MAP3K10: variants seen among roughly 807,000 people sequenced by gnomAD.
The protein encoded by MAP3K10 is mitogen-activated protein kinase kinase kinase 10.
In MAP3K10, 22 loss-of-function variants were observed where a neutral mutation model predicts 75.0. The observed-to-expected ratio is 0.29, with a 90% CI of 0.21 to 0.42. The LOEUF is 0.42. Ranked by LOEUF, MAP3K10 falls within the 10% of genes least tolerant of loss-of-function variation. The pLI is 1.00. For synonymous variants in MAP3K10, 599 were observed against 612.9 expected, an observed-to-expected ratio of 0.98 and a Z score of 0.34; for missense variants, 1,165 against 1,379.8, an observed-to-expected ratio of 0.84 and a Z score of 2.47.
intron 6 of MAP3K10, among the ~76,000 whole-genome samples, chr19:40,210,266 C>CA (rs946252783): frequency 6.0e-5 from 9 of 150,968 alleles, no homozygotes; most frequent in East Asian, 3.9e-4. Flanking sequence ...GACTCCGTCT[C>CA]AAAAAAAACA....
chr19:40,192,308 A>G lies in MAP3K10; in HGVS notation c.277A>G (p.Ile93Val). The G allele has an allele frequency of 6.2e-7, 1 of 1,603,862 alleles. No individual in the cohort carries two copies. Among genetic ancestry groups the G allele is most frequent in the Non-Finnish European group, 8.5e-7 (1 of 1,176,760 alleles). The change falls in exon 1 of 10, where the codon ATC (isoleucine) becomes GTC (valine). Residue 93 changes from isoleucine to valine, a missense_variant. Around this residue, in one of 2 missense-constraint regions of MAP3K10, gnomAD observed 575 missense variants for 793.2 expected, o/e 0.72. Coordinates refer to ENST00000253055, the MANE Select transcript of MAP3K10 (RefSeq NM_002446.4). The surrounding 1 kb of genome is among the most constrained non-coding windows in gnomAD (Gnocchi z 7.1). ...APAGLQLPQE[I>V]PFHELQLEEI... ...CGCGGGCCTCCAGCTGCCCCAGGAG[A>G]TCCCCTTCCACGAGCTGCAGCTAGA...
At position 40,206,130 on chromosome 19, in the gene MAP3K10, G is replaced by A; in HGVS notation, c.1408G>A (p.Gly470Ser). The change falls in exon 5 of 10, where the codon GGC becomes AGC. Residue 470 changes from glycine (G) to serine (S), a missense_variant. Physicochemically the swap from Gly to Ser is moderately conservative, Grantham distance 56. Around this residue, in one of 2 missense-constraint regions of MAP3K10, gnomAD observed 575 missense variants for 793.2 expected, o/e 0.72. Coordinates refer to ENST00000253055, the MANE Select transcript of MAP3K10 (RefSeq NM_002446.4). ...KRSRLLKLRE[G>S]GSHISLPSGF... Reference sequence around the variant, plus strand: ...CAGCCGCCTGCTCAAGCTGCGGGAAGGCGGCAGCCACATCAGCCTGCCCTC... The same window carrying A: ...CAGCCGCCTGCTCAAGCTGCGGGAAAGCGGCAGCCACATCAGCCTGCCCTC... The A allele has an allele frequency of 6.2e-7, 1 of 1,609,488 alleles. No homozygotes were observed. Among genetic ancestry groups the A allele is most frequent in the Non-Finnish European group, 8.5e-7 (1 of 1,177,374 alleles).
In MAP3K10 at chr19:40,204,279, G is replaced by A. The variant is rs1427421905; in HGVS notation, c.864-206G>A. 6.6e-5 allele frequency among the ~76,000 whole-genome samples: 10 copies of A among 152,190 alleles called. No individual in the cohort carries two copies. The East Asian group carries it at 1.2e-3, about 18-fold the overall frequency. The stretch of plus-strand genomic sequence containing the variant: ...AGGCAGGGGAGAGGGAAGACAGGCC[G>A]AGCAAAGGAGAGACATCAGAGAGCC... On this transcript the variant is annotated intron_variant, in intron 2 of 9. Transcript: ENST00000253055. This position sits in a 1 kb window ranked among gnomAD's most constrained non-coding sequence, Gnocchi z 4.3.
Position 40,213,999 on chromosome 19 carries a change from C to A in MAP3K10, c.2320C>A (p.Pro774Thr). 6.6e-7 allele frequency: 1 copy of A among 1,517,652 alleles called. No individual in the cohort carries two copies. Among genetic ancestry groups the A allele is most frequent in the South Asian group, 1.2e-5 (1 of 82,320 alleles). The allele number at this position is 1,517,652 out of a possible 1,614,324, so 94.0% of individuals were successfully genotyped here. The part of the protein sequence containing the change: ...SDSDEAAPAA[P>T]SPPPSPPAPT... ...CAGTGACGAGGCCGCACCGGCCGCG[C>A]CCTCCCCACCACCCTCCCCGCCCGC... The change falls in exon 9 of 10, where the codon CCC becomes ACC. Residue 774 changes from proline (P) to threonine (T), a missense_variant. Around this residue, in one of 2 missense-constraint regions of MAP3K10, gnomAD observed 590 missense variants for 586.6 expected, o/e 1.01. Coordinates refer to ENST00000253055, the MANE Select transcript of MAP3K10 (RefSeq NM_002446.4). This position sits in a 1 kb window ranked among gnomAD's most constrained non-coding sequence, Gnocchi z 5.7.
rs1276964428 is a variant in MAP3K10, at chr19:40,206,188, A to G, written c.1435+31A>G. 3.1e-5 allele frequency: 49 copies of G among 1,555,602 alleles called. No homozygotes were observed. The East Asian group carries it at 1.1e-3, about 34-fold the overall frequency. ...CACCCGTGTCCCCAGAGCGCCCCCCAAGAGGCTGCTGGGAGCAGCCCCGAC... is the reference window on the plus strand; with the variant it reads ...CACCCGTGTCCCCAGAGCGCCCCCCGAGAGGCTGCTGGGAGCAGCCCCGAC... On this transcript the variant is annotated intron_variant, in intron 5 of 9. Transcript: ENST00000253055.
At chr19:40,211,428 C>T (rs1185498956) in intron 6 of MAP3K10, among the ~76,000 whole-genome samples, 1 of 149,254 alleles carries the variant, frequency 6.7e-6, no homozygotes, top group Non-Finnish European at 1.5e-5. Context: ...AGGTTTGTTA[C>T]ATAGGTAAAC....
In MAP3K10 at chr19:40,204,997, C is replaced by T. The variant is rs1973090675; in HGVS notation, c.1013-124C>T. 2 of 890,114 alleles carry T rather than the reference C, an allele frequency of 2.2e-6. No individual in the cohort carries two copies. Among genetic ancestry groups the T allele is most frequent in the Non-Finnish European group, 3.6e-6 (2 of 549,052 alleles). 55.1% of individuals were successfully genotyped at this position (890,114 alleles called of 1,614,324 possible). A position where few individuals can be genotyped will look rare whatever the true frequency, so the allele number is the denominator to read the frequency against. The stretch of plus-strand genomic sequence containing the variant: ...TTGGCTTTGAATCCCTTCCCCTCAG[C>T]TCCATAGCAGCTGTTTGTCTGCCAT... On this transcript the variant is annotated intron_variant, in intron 3 of 9. Transcript: ENST00000253055. This position sits in a 1 kb window ranked among gnomAD's most constrained non-coding sequence, Gnocchi z 4.3.
chr19:40,209,114 A>T lies in MAP3K10; in HGVS notation c.1447A>T (p.Lys483Ter). Residue 483 changes from lysine (K) to a stop codon, truncating the protein, a stop_gained, in exon 6 of 10, where the codon AAG becomes TAG. Transcript: ENST00000253055. LOFTEE classifies it high-confidence loss of function. ...HISLPSGFEH[K>*]ITVQASPTLD... is the part of the protein sequence containing the mutation. ...CTTTCTTTCTGCAGGCTTTGAGCAT[A>T]AGATCACAGTCCAGGCCTCTCCAAC... 6.2e-7 allele frequency: 1 copy of T among 1,613,464 alleles called. No individual in the cohort carries two copies. The highest frequency in any genetic ancestry group is 2.2e-5 in the East Asian group (1 of 44,902).
At position 40,212,906 on chromosome 19, in the gene MAP3K10, G is replaced by A. The variant is rs1247466557; in HGVS notation, c.1654G>A (p.Gly552Ser). ...GPPKKEELVGGKKKGRTWGPS... is the reference protein window; with the variant it reads ...GPPKKEELVGSKKKGRTWGPS... ...CCCAAAGAAGGAAGAACTGGTCGGG[G>A]GCAAGAAGAAGGGACGAACGTGGGG... Residue 552 changes from glycine to serine, a missense_variant, in exon 7 of 10, where the codon GGC becomes AGC. By Grantham distance (56) the Gly-to-Ser change is moderately conservative (BLOSUM62 0). This residue lies in a region of MAP3K10 where 575 missense variants were observed against 793.2 expected (regional missense o/e 0.72). Coordinates refer to ENST00000253055, the MANE Select transcript of MAP3K10 (RefSeq NM_002446.4). The surrounding 1 kb of genome is among the most constrained non-coding windows in gnomAD (Gnocchi z 4.2). 5 of 1,613,368 alleles carry A rather than the reference G, an allele frequency of 3.1e-6. No individual in the cohort carries two copies. The South Asian group carries it at 4.4e-5, about 14-fold the overall frequency.
rs1055186509 is a variant in MAP3K10 at position 40,191,753 on chromosome 19, A to G, written c.-279A>G. ...GCGGGCATTCGAGAGCCGCGCGGCCAGGCCCTCTTAGCCCTCTGCCGTTTG... is the reference window on the plus strand; with the variant it reads ...GCGGGCATTCGAGAGCCGCGCGGCCGGGCCCTCTTAGCCCTCTGCCGTTTG... On this transcript the variant is annotated 5_prime_UTR_variant, in exon 1 of 10. Transcript: ENST00000253055. 1.1e-4 allele frequency: 35 copies of G among 315,720 alleles called. No homozygotes were observed. The South Asian group carries it at 3.9e-3, about 35-fold the overall frequency. The allele number at this position is 315,720 out of a possible 1,614,324, so 19.6% of individuals were successfully genotyped here.
At position 40,215,200 on chromosome 19, in the gene MAP3K10, C is replaced by T. The variant is rs1294617817; in HGVS notation, c.2773C>T (p.Pro925Ser). ...RPDTPESPGP[P>S]SVQPTLLDMD... ...AGACACTCCGGAGAGCCCTGGGCCC[C>T]CCAGCGTGCAGCCCACACTGCTGGA... Residue 925 changes from proline (P) to serine (S), a missense_variant, in exon 10 of 10, where the codon CCC becomes TCC. Pro to Ser is a moderately conservative substitution (Grantham distance 74). Transcript: ENST00000253055. 1.9e-6 allele frequency: 3 copies of T among 1,583,544 alleles called. No homozygotes were observed. In the Admixed American group the frequency reaches 5.4e-5, roughly 28 times the overall value.
In MAP3K10 at chr19:40,191,741, A is replaced by T; in HGVS notation, c.-291A>T. On this transcript the variant is annotated 5_prime_UTR_variant, in exon 1 of 10. Transcript: ENST00000253055. ...CGGCGGACCCCGGCGGGCATTCGAGAGCCGCGCGGCCAGGCCCTCTTAGCC... is the reference window on the plus strand; with the variant it reads ...CGGCGGACCCCGGCGGGCATTCGAGTGCCGCGCGGCCAGGCCCTCTTAGCC... The T allele has an allele frequency of 3.4e-6, 1 of 294,412 alleles. No individual in the cohort carries two copies. The highest frequency in any genetic ancestry group is 6.2e-6 in the Non-Finnish European group (1 of 160,088). 18.2% of individuals were successfully genotyped at this position (294,412 alleles called of 1,614,324 possible). A position where few individuals can be genotyped will look rare whatever the true frequency, so the allele number is the denominator to read the frequency against.
At chr19:40,202,163 C>T (rs944024670) in intron 2 of MAP3K10, among the ~76,000 whole-genome samples, 23 of 152,288 alleles carry the variant, frequency 1.5e-4, no homozygotes, top group Non-Finnish European at 2.9e-4. Context: ...GCCTCAGCCT[C>T]CCGAGTAGCT....
At position 40,192,027 on chromosome 19, in the gene MAP3K10, C is replaced by G; in HGVS notation, c.-5C>G. On this transcript the variant is annotated 5_prime_UTR_variant, in exon 1 of 10. Coordinates refer to ENST00000253055, the MANE Select transcript of MAP3K10 (RefSeq NM_002446.4). This position sits in a 1 kb window ranked among gnomAD's most constrained non-coding sequence, Gnocchi z 7.1. ...CGGCCTCCCGCAGCCCCCGGCCCCTCCCCCATGGAGGAGGAGGAGGGGGCG... is the reference window on the plus strand; with the variant it reads ...CGGCCTCCCGCAGCCCCCGGCCCCTGCCCCATGGAGGAGGAGGAGGGGGCG... 1.4e-6 allele frequency: 2 copies of G among 1,418,934 alleles called. No individual in the cohort carries two copies. The highest frequency in any genetic ancestry group is 1.8e-6 in the Non-Finnish European group (2 of 1,090,588). The allele number at this position is 1,418,934 out of a possible 1,614,324, so 87.9% of individuals were successfully genotyped here.
Position 40,214,192 on chromosome 19 carries a change from G to A in MAP3K10, c.2513G>A (p.Gly838Glu), listed in dbSNP as rs545108027. 8 of 1,448,462 alleles carry A rather than the reference G, an allele frequency of 5.5e-6. No individual in the cohort carries two copies. Among genetic ancestry groups the A allele is most frequent in the Non-Finnish European group, 7.2e-6 (8 of 1,111,420 alleles). 89.7% of individuals were successfully genotyped at this position (1,448,462 alleles called of 1,614,324 possible). A position where few individuals can be genotyped will look rare whatever the true frequency, so the allele number is the denominator to read the frequency against. Residue 838 changes from glycine (G) to glutamate (E), a missense_variant, in exon 9 of 10, where the codon GGG becomes GAG. By Grantham distance (98) the Gly-to-Glu change is moderately conservative. Transcript: ENST00000253055. ...TCGGACGGGGCGCTGGGGCAGCGGGGGCCGCCCGAGCCCGCGGGCCATGGC... is the reference window on the plus strand; with the variant it reads ...TCGGACGGGGCGCTGGGGCAGCGGGAGCCGCCCGAGCCCGCGGGCCATGGC... ...TPSDGALGQR[G>E]PPEPAGHGPG...
Position 40,213,551 on chromosome 19 carries a change from C to A in MAP3K10, c.1872C>A (p.Ser624Arg). ...EFAEAEDGGS[S>R]VPPSPYSTPS... ...CGGAGGCAGAGGATGGAGGCAGCAGCGTGCCCCCTTCCCCCTACTCGACCC... is the reference window on the plus strand; with the variant it reads ...CGGAGGCAGAGGATGGAGGCAGCAGAGTGCCCCCTTCCCCCTACTCGACCC... Residue 624 changes from serine to arginine, a missense_variant, in exon 9 of 10, where the codon AGC becomes AGA. Around this residue, in one of 2 missense-constraint regions of MAP3K10, gnomAD observed 590 missense variants for 586.6 expected, o/e 1.01. Coordinates refer to ENST00000253055, the MANE Select transcript of MAP3K10 (RefSeq NM_002446.4). The surrounding 1 kb of genome is among the most constrained non-coding windows in gnomAD (Gnocchi z 5.7). The A allele has an allele frequency of 6.2e-7, 1 of 1,611,634 alleles. No homozygotes were observed. The highest frequency in any genetic ancestry group is 8.5e-7 in the Non-Finnish European group (1 of 1,179,188).
At chr19:40,193,578 G>A (rs1182315674) in intron 1 of MAP3K10, among the ~76,000 whole-genome samples, 1 of 152,142 alleles carries the variant, frequency 6.6e-6, no homozygotes, top group Non-Finnish European at 1.5e-5. Flanking sequence ...CATGGTTTCT[G>A]CCCTGACAGT....
At position 40,192,583 on chromosome 19, in the gene MAP3K10, G is replaced by T. The variant is rs756316378; in HGVS notation, c.552G>T (p.Arg184Ser). Residue 184 changes from arginine (R) to serine (S), a missense_variant, in exon 1 of 10, where the codon AGG becomes AGT. This residue lies in a region of MAP3K10 where 575 missense variants were observed against 793.2 expected (regional missense o/e 0.72). Coordinates refer to ENST00000253055, the MANE Select transcript of MAP3K10 (RefSeq NM_002446.4). This position sits in a 1 kb window ranked among gnomAD's most constrained non-coding sequence, Gnocchi z 7.1. ...MEYARGGALS[R>S]VLAGRRVPPH... ...ATGCCCGGGGTGGTGCACTGAGCAG[G>T]GTGCTGGCAGGTCGCCGGGTGCCAC... 6.2e-7 allele frequency: 1 copy of T among 1,613,110 alleles called. No homozygotes were observed. Among genetic ancestry groups the T allele is most frequent in the Non-Finnish European group, 8.5e-7 (1 of 1,179,824 alleles).
chr19:40,211,320 T>C (rs1303515153), intron 6 of MAP3K10, among the ~76,000 whole-genome samples: 2 of 146,776 alleles, frequency 1.4e-5, no homozygotes, highest in African/African-American at 4.9e-5. Flanking sequence ...TTCCTTTCTT[T>C]TTTTTTTTTT....
Sources: gnomAD v4.1 joint callset for allele counts (sites outside exome capture counted in the v4.1 genomes callset) on GRCh38, gnomAD v4.1.1 for gene constraint, gnomAD v4.1.1 regional missense constraint, Gnocchi (gnomAD v3.1) non-coding constraint, MANE v1.5 for transcripts, NCBI Gene and HGNC (gene_info 2026-07-23, HGNC 2026-07-21) for gene names.